The following ACTR3C variants were observed in gnomAD, a reference collection of about 807,000 sequenced individuals.
ACTR3C encodes actin-related protein 3C.
In ACTR3C, 18 loss-of-function variants were observed where a neutral mutation model predicts 26.3. The ratio of observed to expected loss-of-function variants is 0.68; its 90% CI spans 0.47 to 1.01. The LOEUF is 1.01. Among genes scored for constraint, ACTR3C ranks in the 50% least tolerant of loss-of-function variants. The pLI, the probability that ACTR3C is intolerant of heterozygous loss-of-function variation, is 0.00. For missense variants in ACTR3C, 184 were observed against 250.7 expected (o/e 0.73, Z 1.80); for synonymous variants, 55 against 94.5 (o/e 0.58, Z 2.42).
chr7:150,246,474 A>T (rs996313858), downstream of ACTR3C: 4 of 152,088 alleles, frequency 2.6e-5, no homozygotes, highest in Non-Finnish European at 5.9e-5. Flanking sequence ...GACACGGGGG[A>T]CTTGTAGCCA....
rs1483298305 is a variant in ACTR3C, at chr7:150,323,523, G to T, written c.-106C>A. The T allele has an allele frequency of 2.3e-6, 1 of 438,668 alleles. No individual in the cohort carries two copies. The highest frequency in any genetic ancestry group is 2.5e-5 in the Admixed American group (1 of 40,500). 27.2% of individuals were successfully genotyped at this position (438,668 alleles called of 1,614,324 possible). On this transcript the variant is annotated 5_prime_UTR_variant, in exon 1 of 8. Transcript: ENST00000683684. ...GGAGTTGCGCCGGACTTCCCAGCTT[G>T]GCCAGTGGCTCCGCAGGCTGCCGGC...
chr7:149,946,828 G>A, the ACTR3C span, among the ~76,000 whole-genome samples: 1 of 152,144 alleles, frequency 6.6e-6, no homozygotes, highest in Admixed American at 6.5e-5. Flanking sequence ...TCCCTTCTCT[G>A]GACAGTTTGC....
At chr7:150,132,001 G>A in the ACTR3C span, among the ~76,000 whole-genome samples, 11 of 152,300 alleles carry the variant, frequency 7.2e-5, no homozygotes, top group South Asian at 2.1e-4. Context: ...TGATAGTTGC[G>A]GGGAATGATA....
the ACTR3C span, among the ~76,000 whole-genome samples, chr7:150,041,885 CT>C: frequency 2.1e-5 from 3 of 142,628 alleles, no homozygotes; most frequent in East Asian, 2.2e-4. Context: ...TTGCCTCCCC[CT>C]CCTGCGATGG....
chr7:150,134,100 T>C, the ACTR3C span, among the ~76,000 whole-genome samples: 3 of 152,164 alleles, frequency 2.0e-5, no homozygotes, highest in Non-Finnish European at 4.4e-5. Flanking sequence ...CTTCTACTCA[T>C]AGTATTTTGT....
the ACTR3C span, among the ~76,000 whole-genome samples, chr7:150,032,731 T>A: frequency 6.6e-6 from 1 of 152,136 alleles, no homozygotes; most frequent in East Asian, 1.9e-4. Context: ...CAGCCTCTGG[T>A]CTTCAGTTCT....
chr7:149,992,271 A>G, the ACTR3C span, among the ~76,000 whole-genome samples: 1 of 152,246 alleles, frequency 6.6e-6, no homozygotes, highest in Non-Finnish European at 1.5e-5. Context: ...GACTGTTTTG[A>G]TATGTCATGG....
the ACTR3C span, among the ~76,000 whole-genome samples, chr7:150,129,394 A>C: frequency 3.3e-5 from 5 of 152,326 alleles, no homozygotes; most frequent in African/African-American, 1.2e-4. Flanking sequence ...CCAGTGTAAT[A>C]AGGTAGGAAA....
the ACTR3C span, among the ~76,000 whole-genome samples, chr7:150,183,982 G>A: frequency 3.3e-5 from 5 of 150,640 alleles, 1 homozygote; most frequent in African/African-American, 1.3e-4. Context: ...AGGAAGAGGT[G>A]TCTTCCGCCA....
the ACTR3C span, among the ~76,000 whole-genome samples, chr7:150,164,889 T>G: frequency 5.3e-3 from 801 of 152,258 alleles, 7 homozygotes; most frequent in African/African-American, 0.018. Flanking sequence ...TAGGGAGAAT[T>G]CCCCACCAGT....
the ACTR3C span, among the ~76,000 whole-genome samples, chr7:149,963,232 C>T: frequency 6.6e-5 from 10 of 151,298 alleles, no homozygotes; most frequent in South Asian, 2.2e-4. Context: ...AAAGCCACTA[C>T]TGAAATTAAA....
At chr7:150,241,315 G>C (rs940179963), downstream of ACTR3C, among the ~76,000 whole-genome samples, 2 of 152,054 alleles carry the variant, frequency 1.3e-5, no homozygotes, top group Non-Finnish European at 2.9e-5. Flanking sequence ...GAGATTGATG[G>C]GGTAAATTTG....
At chr7:149,971,567 T>C in the ACTR3C span, among the ~76,000 whole-genome samples, 1 of 152,246 alleles carries the variant, frequency 6.6e-6, no homozygotes, top group African/African-American at 2.4e-5. Context: ...ATGTTTGTTT[T>C]ACACTAGAAT....
chr7:150,090,872 T>C, the ACTR3C span, among the ~76,000 whole-genome samples: 9 of 152,162 alleles, frequency 5.9e-5, no homozygotes, highest in African/African-American at 1.9e-4. Context: ...CATCTTTTCA[T>C]GGTTGAGGGG....
the ACTR3C span, among the ~76,000 whole-genome samples, chr7:150,101,549 A>T: frequency 9.2e-5 from 14 of 151,804 alleles, 1 homozygote; most frequent in South Asian, 1.7e-3. Context: ...AACTCAACTC[A>T]CGTGGTGCCC....
At chr7:150,313,866 G>A (rs962094096) in intron 1 of ACTR3C, among the ~76,000 whole-genome samples, 2 of 152,210 alleles carry the variant, frequency 1.3e-5, no homozygotes, top group South Asian at 4.1e-4. Flanking sequence ...AGCCTGGAAA[G>A]CTAAAAACAA....
At chr7:150,012,161 G>A in the ACTR3C span, among the ~76,000 whole-genome samples, 1 of 152,072 alleles carries the variant, frequency 6.6e-6, no homozygotes. Flanking sequence ...GTCAGTAACT[G>A]CTAAATGCCT....
chr7:150,284,016 A>G (rs1273965504), intron 6 of ACTR3C, among the ~76,000 whole-genome samples: 4 of 151,732 alleles, frequency 2.6e-5, no homozygotes, highest in East Asian at 1.9e-4. Context: ...GAAAAAAATC[A>G]TAATAATACA....
chr7:150,207,009 C>T, the ACTR3C span, among the ~76,000 whole-genome samples: 3 of 152,092 alleles, frequency 2.0e-5, no homozygotes, highest in Non-Finnish European at 4.4e-5. Flanking sequence ...TCTGTGGTTA[C>T]AAATACAAAT....
Sources: gnomAD v4.1 joint callset for allele counts (sites outside exome capture counted in the v4.1 genomes callset) on GRCh38, gnomAD v4.1.1 for gene constraint, MANE v1.5 for transcripts, NCBI Gene and HGNC (gene_info 2026-07-23, HGNC 2026-07-21) for gene names.